Variants in GRAMD1B observed in about 807,000 individuals in gnomAD.
GRAMD1B encodes protein Aster-B.
Under a neutral mutation model 99.7 loss-of-function variants are expected in GRAMD1B, and 37 were observed. The ratio of observed to expected loss-of-function variants is 0.37; its 90% CI spans 0.29 to 0.49. GRAMD1B has a LOEUF of 0.49. GRAMD1B is among the 20% of genes least tolerant of loss of function. The probability of loss-of-function intolerance (pLI) is 0.98; values close to 1 mark genes in which losing one functional copy is unlikely to be tolerated. For synonymous variants in GRAMD1B, 427 were observed against 387.6 expected (o/e 1.10, Z -1.19); for missense variants, 888 against 1,009.2 (o/e 0.88, Z 1.63).
chr11:123,571,388 C>T (rs1376990490), intron 2 of GRAMD1B, among the ~76,000 whole-genome samples: 1 of 152,172 alleles, frequency 6.6e-6, no homozygotes, highest in Non-Finnish European at 1.5e-5. Flanking sequence ...CAGAGAGTCA[C>T]TGAAGAAAGC....
chr11:123,606,045 T>C (rs1592243261), intron 10 of GRAMD1B, among the ~76,000 whole-genome samples: 1 of 152,062 alleles, frequency 6.6e-6, no homozygotes. Flanking sequence ...GAAGAACAGG[T>C]AGGGTTCTTC....
At chr11:123,604,689 G>A (rs150937508) in intron 9 of GRAMD1B, among the ~76,000 whole-genome samples, 5 of 152,308 alleles carry the variant, frequency 3.3e-5, no homozygotes, top group Admixed American at 6.5e-5. Context: ...AAGGATTTCC[G>A]GAGAGTTGTC....
chr11:123,521,394 C>T (rs906636998), intron 2 of GRAMD1B, among the ~76,000 whole-genome samples: 1 of 152,148 alleles, frequency 6.6e-6, no homozygotes, highest in African/African-American at 2.4e-5. Context: ...TTCTTTTTCT[C>T]ATTGGTTTGT....
intron 2 of GRAMD1B, among the ~76,000 whole-genome samples, chr11:123,576,401 T>C (rs1200312625): frequency 6.6e-6 from 1 of 152,216 alleles, no homozygotes; most frequent in African/African-American, 2.4e-5. Context: ...CACTTTCTAC[T>C]TAGCCTCTCC....
intron 1 of GRAMD1B, among the ~76,000 whole-genome samples, chr11:123,437,205 C>T (rs7111922): frequency 0.017 from 2,564 of 152,232 alleles, 89 homozygotes; most frequent in African/African-American, 0.06. Context: ...CAGGGAATAG[C>T]GTAGCCTGCA....
chr11:123,522,917 G>A (rs368693770), intron 2 of GRAMD1B, among the ~76,000 whole-genome samples: 2 of 152,206 alleles, frequency 1.3e-5, no homozygotes, highest in African/African-American at 4.8e-5. Context: ...TTGTCTGATA[G>A]AGAAGGAGAT....
intron 1 of GRAMD1B, among the ~76,000 whole-genome samples, chr11:123,436,725 T>A (rs1280097707): frequency 1.3e-5 from 2 of 152,218 alleles, no homozygotes; most frequent in African/African-American, 2.4e-5. Flanking sequence ...CAAAGCATCA[T>A]CTTAACTACC....
At chr11:123,508,765 A>C (rs944996918) in intron 2 of GRAMD1B, among the ~76,000 whole-genome samples, 1 of 151,890 alleles carries the variant, frequency 6.6e-6, no homozygotes, top group Non-Finnish European at 1.5e-5. Context: ...GGCTCATAGC[A>C]ACCTCTGCCT....
At chr11:123,576,132 C>G (rs1948678901) in intron 2 of GRAMD1B, among the ~76,000 whole-genome samples, 4 of 152,132 alleles carry the variant, frequency 2.6e-5, no homozygotes, top group Admixed American at 2.6e-4. Context: ...GAAGGTTTTG[C>G]TGAAAGGGGC....
At chr11:123,560,065 A>ACC (rs5795378) in intron 2 of GRAMD1B, among the ~76,000 whole-genome samples, 1,673 of 133,382 alleles carry the variant, frequency 0.013, 27 homozygotes, top group Non-Finnish European at 0.016. Context: ...AGAGGAAATA[A>ACC]CCCCCCCCCC....
At chr11:123,560,621 C>T (rs1312149834) in intron 2 of GRAMD1B, 1 of 494,972 alleles carries the variant, frequency 2.0e-6, no homozygotes, top group East Asian at 6.9e-5. Context: ...CTGCACTGCA[C>T]TCTGCTACTG....
At chr11:123,620,481 A>G (rs1436997089) in intron 19 of GRAMD1B, among the ~76,000 whole-genome samples, 8 of 140,220 alleles carry the variant, frequency 5.7e-5, no homozygotes, top group Non-Finnish European at 1.1e-4. Flanking sequence ...TCAAAAAAAA[A>G]AAAAAAAAAA....
intron 1 of GRAMD1B, among the ~76,000 whole-genome samples, chr11:123,412,350 C>G (rs577452620): frequency 1.3e-5 from 2 of 152,316 alleles, no homozygotes; most frequent in South Asian, 4.1e-4. Context: ...CTATCATGTG[C>G]AAGGCACTGT....
intron 1 of GRAMD1B, among the ~76,000 whole-genome samples, chr11:123,378,081 T>C (rs934942190): frequency 1.3e-5 from 2 of 152,220 alleles, no homozygotes; most frequent in Admixed American, 6.5e-5. Context: ...GACTTGGTAA[T>C]GGTTATCAAA....
intron 1 of GRAMD1B, among the ~76,000 whole-genome samples, chr11:123,448,293 C>T (rs1258721931): frequency 2.6e-5 from 4 of 152,026 alleles, no homozygotes; most frequent in Admixed American, 1.3e-4. Context: ...TGCTCTGTTG[C>T]CCAGGCTGGA....
At chr11:123,413,033 C>T (rs539888009) in intron 1 of GRAMD1B, among the ~76,000 whole-genome samples, 13 of 152,292 alleles carry the variant, frequency 8.5e-5, no homozygotes, top group African/African-American at 2.6e-4. Flanking sequence ...CCATCCACCT[C>T]GGCCTCCCAA....
At chr11:123,381,019 A>G (rs1405151440) in intron 1 of GRAMD1B, among the ~76,000 whole-genome samples, 1 of 152,036 alleles carries the variant, frequency 6.6e-6, no homozygotes, top group Non-Finnish European at 1.5e-5. Flanking sequence ...GATAGAACTC[A>G]TAAGGTTTCC....
chr11:123,569,781 CAG>C (rs1947851957), intron 2 of GRAMD1B, among the ~76,000 whole-genome samples: 2 of 152,190 alleles, frequency 1.3e-5, no homozygotes, highest in Admixed American at 6.5e-5. Context: ...AACTGGATAA[CAG>C]GGTAGTCTTC....
At position 123,537,957 on chromosome 11, in the gene GRAMD1B, G is replaced by A. The variant is rs527637719; in HGVS notation, c.453-39410G>A. On this transcript the variant is annotated intron_variant, in intron 2 of 19. Coordinates refer to ENST00000635736, the MANE Select transcript of GRAMD1B (RefSeq NM_001387025.1). ...CTCCTAAGTGTGTTTCTAGGCATAA[G>A]TTAGGACAGTTTTTATGCTGATCAC... Among the ~76,000 whole-genome samples, 77 of 152,300 alleles carry A rather than the reference G, an allele frequency of 5.1e-4. No homozygotes were observed. The Middle Eastern group carries it at 0.01, about 20-fold the overall frequency.
Sources: gnomAD v4.1 joint callset for allele counts (sites outside exome capture counted in the v4.1 genomes callset) on GRCh38, gnomAD v4.1.1 for gene constraint, MANE v1.5 for transcripts, NCBI Gene and HGNC (gene_info 2026-07-23, HGNC 2026-07-21) for gene names.